KLHL1: variants seen among roughly 807,000 people sequenced by gnomAD.
The protein encoded by KLHL1 is kelch-like protein 1.
Under a neutral mutation model 77.7 loss-of-function variants are expected in KLHL1, and 47 were observed. The observed-to-expected ratio is 0.60, with a 90% CI of 0.48 to 0.77. The LOEUF (loss-of-function observed/expected upper bound fraction) is 0.77, where lower values mean the gene tolerates loss of function less well. KLHL1 is among the 30% of genes least tolerant of loss of function. The probability of loss-of-function intolerance (pLI) is 0.00; values close to 1 mark genes in which losing one functional copy is unlikely to be tolerated. For missense variants in KLHL1, 925 were observed against 910.8 expected, an observed-to-expected ratio of 1.02 and a Z score of -0.20; for synonymous variants, 360 against 325.2, an observed-to-expected ratio of 1.11 and a Z score of -1.15.
chr13:70,056,876 AC>A (rs1886755997), intron 1 of KLHL1, among the ~76,000 whole-genome samples: 1 of 152,188 alleles, frequency 6.6e-6, no homozygotes, highest in Non-Finnish European at 1.5e-5. Context: ...AAGGAAAAAA[AC>A]AAAACAACTT....
At chr13:69,897,086 C>T (rs991856314) in intron 4 of KLHL1, among the ~76,000 whole-genome samples, 41 of 152,040 alleles carry the variant, frequency 2.7e-4, no homozygotes, top group African/African-American at 9.4e-4. Context: ...TCAACCGAAC[C>T]CCTTGAAAGG....
chr13:69,897,893 C>T (rs550494769), intron 4 of KLHL1, among the ~76,000 whole-genome samples: 21 of 152,310 alleles, frequency 1.4e-4, no homozygotes, highest in South Asian at 1.2e-3. Flanking sequence ...CTGTACCATT[C>T]CCTGTGGTTA....
chr13:69,733,084 A>G (rs956812661), intron 8 of KLHL1, among the ~76,000 whole-genome samples: 5 of 152,082 alleles, frequency 3.3e-5, no homozygotes, highest in Non-Finnish European at 7.4e-5. Context: ...ACAAAACTTT[A>G]TATTTAATAT....
chr13:69,923,581 C>A (rs147186885), intron 4 of KLHL1, among the ~76,000 whole-genome samples: 10 of 152,170 alleles, frequency 6.6e-5, no homozygotes, highest in African/African-American at 2.4e-4. Context: ...ACTATGTTAT[C>A]TTTGAGGTGA....
intron 6 of KLHL1, among the ~76,000 whole-genome samples, chr13:69,816,889 C>T (rs940976225): frequency 6.6e-6 from 1 of 152,000 alleles, no homozygotes; most frequent in African/African-American, 2.4e-5. Context: ...ACCCAGGAGG[C>T]AGAGTTTGCA....
intron 1 of KLHL1, among the ~76,000 whole-genome samples, chr13:70,027,937 C>T (rs543382082): frequency 6.6e-6 from 1 of 152,178 alleles, no homozygotes; most frequent in African/African-American, 2.4e-5. Context: ...AACCTACTGT[C>T]TGAGAAAATT....
At chr13:69,988,059 G>C (rs1230395259) in intron 1 of KLHL1, among the ~76,000 whole-genome samples, 1 of 151,712 alleles carries the variant, frequency 6.6e-6, no homozygotes, top group African/African-American at 2.4e-5. Context: ...TGTCACCCAG[G>C]TACAAGCATA....
At chr13:69,812,508 A>G (rs1877926437) in intron 6 of KLHL1, among the ~76,000 whole-genome samples, 1 of 152,194 alleles carries the variant, frequency 6.6e-6, no homozygotes, top group South Asian at 2.1e-4. Flanking sequence ...TCTGCACAGC[A>G]AAAGAAACTA....
At chr13:69,798,996 A>G (rs1490851436) in intron 6 of KLHL1, among the ~76,000 whole-genome samples, 1 of 152,016 alleles carries the variant, frequency 6.6e-6, no homozygotes, top group Admixed American at 6.6e-5. Context: ...GGCTAAGGCA[A>G]GAGAATCCCT....
chr13:70,101,648 C>T (rs566188412), intron 1 of KLHL1, among the ~76,000 whole-genome samples: 24 of 152,062 alleles, frequency 1.6e-4, no homozygotes, highest in Non-Finnish European at 3.1e-4. Flanking sequence ...AGGCTGGTCT[C>T]GAACTCCTGA....
chr13:69,800,797 C>G (rs1877341529), intron 6 of KLHL1, among the ~76,000 whole-genome samples: 1 of 152,052 alleles, frequency 6.6e-6, no homozygotes, highest in Non-Finnish European at 1.5e-5. Flanking sequence ...AGGACAAAGT[C>G]AGTCGTGAGT....
At chr13:70,052,813 G>C (rs759395747) in intron 1 of KLHL1, among the ~76,000 whole-genome samples, 2 of 151,760 alleles carry the variant, frequency 1.3e-5, no homozygotes, top group African/African-American at 4.8e-5. Context: ...AAGTGCAAAG[G>C]CCTGTTGTTG....
chr13:69,807,702 A>G (rs1877674205), intron 6 of KLHL1, among the ~76,000 whole-genome samples: 1 of 152,130 alleles, frequency 6.6e-6, no homozygotes, highest in Non-Finnish European at 1.5e-5. Flanking sequence ...GAATGGGGAG[A>G]AGGACTTCCA....
chr13:70,100,656 T>G (rs1292578058), intron 1 of KLHL1, among the ~76,000 whole-genome samples: 1 of 152,210 alleles, frequency 6.6e-6, no homozygotes, highest in Non-Finnish European at 1.5e-5. Flanking sequence ...TATATTTATA[T>G]TTCAAGATCT....
intron 9 of KLHL1, among the ~76,000 whole-genome samples, chr13:69,716,186 C>A (rs1013087368): frequency 6.6e-6 from 1 of 152,120 alleles, no homozygotes; most frequent in East Asian, 1.9e-4. Flanking sequence ...TCTATAATTT[C>A]TCTATCAATT....
At chr13:69,855,331 GATAGATAGAT>G (rs1879851930) in intron 5 of KLHL1, among the ~76,000 whole-genome samples, 1 of 111,570 alleles carries the variant, frequency 9.0e-6, no homozygotes, top group Non-Finnish European at 1.9e-5. Context: ...TAGATAGATA[GATAGATAGAT>G]AGATAGACAG....
intron 1 of KLHL1, among the ~76,000 whole-genome samples, chr13:70,073,517 CT>C (rs1180923241): frequency 6.6e-6 from 1 of 151,564 alleles, no homozygotes; most frequent in African/African-American, 2.4e-5. Flanking sequence ...TGTAACAAGC[CT>C]GCACGTTGTG....
chr13:69,898,924 G>C (rs1279032543), intron 4 of KLHL1, among the ~76,000 whole-genome samples: 1 of 152,128 alleles, frequency 6.6e-6, no homozygotes, highest in Admixed American at 6.5e-5. Context: ...TTTGGTGCTA[G>C]AGACATCTGA....
intron 1 of KLHL1, among the ~76,000 whole-genome samples, chr13:70,062,665 A>G (rs1368505986): frequency 6.6e-6 from 1 of 152,100 alleles, no homozygotes; most frequent in African/African-American, 2.4e-5. Context: ...GAGTGAGTAA[A>G]TATCGTACCT....
Sources: allele counts gnomAD v4.1 joint callset (sites outside exome capture counted in the v4.1 genomes callset), GRCh38; gene constraint gnomAD v4.1.1; transcripts MANE v1.5; gene names NCBI Gene and HGNC (gene_info 2026-07-23, HGNC 2026-07-21).